The following LRTM3 variants were observed in gnomAD, a reference collection of about 807,000 sequenced individuals.
LRTM3 encodes leucine-rich repeat transmembrane protein 3.
chr13:102,747,230 C>G, the LRTM3 span: 1 of 1,550,562 alleles, frequency 6.4e-7, no homozygotes, highest in Non-Finnish European at 8.7e-7. Flanking sequence ...TGCATTTAAT[C>G]TGCTATACAT....
chr13:102,750,521 C>T, the LRTM3 span: 2 of 576,508 alleles, frequency 3.5e-6, no homozygotes, highest in Admixed American at 3.3e-5. Context: ...AAATCATTAT[C>T]CATATTACAA....
chr13:102,747,561 C>T, the LRTM3 span: 3 of 1,550,984 alleles, frequency 1.9e-6, no homozygotes, highest in Non-Finnish European at 2.6e-6. Flanking sequence ...TATCTTTTTA[C>T]ATCTTCCTTT....
chr13:102,732,698 A>G, the LRTM3 span: 4 of 1,550,816 alleles, frequency 2.6e-6, no homozygotes, highest in Admixed American at 2.0e-5. Flanking sequence ...GCTTGTGTCC[A>G]TTCTTCCTCT....
chr13:102,740,923 T>A, the LRTM3 span: 2 of 1,550,012 alleles, frequency 1.3e-6, no homozygotes, highest in Non-Finnish European at 1.7e-6. Context: ...TACTTTCTTG[T>A]GGATGTTCTT....
At chr13:102,743,089 A>G in the LRTM3 span, 1 of 1,550,390 alleles carries the variant, frequency 6.4e-7, no homozygotes, top group South Asian at 1.2e-5. Context: ...CCTTTCTAAG[A>G]TATGTGTTTG....
the LRTM3 span, chr13:102,749,417 G>C: frequency 1.0e-5 from 16 of 1,551,346 alleles, no homozygotes; most frequent in South Asian, 1.9e-4. Context: ...TGGATTCAGA[G>C]TTAAAACGAG....
At chr13:102,739,560 C>A in the LRTM3 span, 1 of 1,550,122 alleles carries the variant, frequency 6.5e-7, no homozygotes, top group Non-Finnish European at 8.7e-7. Flanking sequence ...TTACCTTTAC[C>A]TTCTTGCATC....
chr13:102,740,639 G>A, the LRTM3 span: 2 of 1,548,436 alleles, frequency 1.3e-6, no homozygotes, highest in Non-Finnish European at 1.7e-6. Context: ...GTCATAATGT[G>A]GAATATCCAT....
chr13:102,741,375 G>T, the LRTM3 span: 1 of 1,549,646 alleles, frequency 6.5e-7, no homozygotes. Flanking sequence ...ACATGATCTG[G>T]ATTCACCTGT....
At chr13:102,759,051 C>A in the LRTM3 span, 1 of 622,884 alleles carries the variant, frequency 1.6e-6, no homozygotes, top group Non-Finnish European at 2.8e-6. Flanking sequence ...TTGGCCAGTG[C>A]TGCTGGTATC....
the LRTM3 span, chr13:102,733,305 A>G: frequency 6.4e-7 from 1 of 1,551,288 alleles, no homozygotes; most frequent in Non-Finnish European, 8.7e-7. Context: ...ACTTTGGGAG[A>G]AAACATTTTG....
the LRTM3 span, chr13:102,729,721 A>G: frequency 6.4e-7 from 1 of 1,551,926 alleles, no homozygotes. Context: ...ATGCTGATTT[A>G]TGTTTGCTTT....
At chr13:102,731,468 G>A in the LRTM3 span, 1 of 1,551,214 alleles carries the variant, frequency 6.4e-7, no homozygotes, top group East Asian at 2.4e-5. Context: ...TTTTTCTTTG[G>A]GAGTAAACTG....
the LRTM3 span, chr13:102,748,623 C>A: frequency 1.3e-6 from 2 of 1,550,596 alleles, no homozygotes; most frequent in Non-Finnish European, 1.7e-6. Context: ...GATATAGCTT[C>A]TTCTAAAGAT....
At chr13:102,747,391 A>C in the LRTM3 span, 8 of 1,550,058 alleles carry the variant, frequency 5.2e-6, no homozygotes, top group Non-Finnish European at 7.0e-6. Flanking sequence ...TATTAATATA[A>C]GGCATCAGTG....
the LRTM3 span, chr13:102,736,844 T>C: frequency 3.2e-6 from 5 of 1,551,176 alleles, no homozygotes; most frequent in Non-Finnish European, 4.4e-6. Flanking sequence ...TGTGATATCA[T>C]TCAAATATGA....
the LRTM3 span, chr13:102,747,086 C>G: frequency 6.4e-7 from 1 of 1,550,846 alleles, no homozygotes; most frequent in South Asian, 1.2e-5. Context: ...TTCTTTGACG[C>G]CTTTTACTTC....
the LRTM3 span, chr13:102,738,086 C>T: frequency 1.3e-6 from 2 of 1,550,990 alleles, no homozygotes; most frequent in Non-Finnish European, 1.7e-6. Context: ...GTCCTCTTTC[C>T]CTTGCTCCTG....
chr13:102,744,126 T>C, the LRTM3 span: 1 of 1,550,704 alleles, frequency 6.4e-7, no homozygotes, highest in Non-Finnish European at 8.7e-7. Flanking sequence ...CCTTTCATCT[T>C]GTACTTAAAA....
Sources: gnomAD v4.1 joint callset for allele counts on GRCh38, gnomAD v4.1.1 for gene constraint, MANE v1.5 for transcripts, NCBI Gene and HGNC (gene_info 2026-07-23, HGNC 2026-07-21) for gene names.